NRP1: variants seen among roughly 807,000 people sequenced by gnomAD.
NRP1 encodes the protein neuropilin 1.
Under a neutral mutation model 106.7 loss-of-function variants are expected in NRP1, and 35 were observed. The ratio of observed to expected loss-of-function variants is 0.33; its 90% confidence interval spans 0.25 to 0.43. The LOEUF is 0.43. NRP1 is among the 20% of genes least tolerant of loss of function. The pLI, the probability that NRP1 is intolerant of heterozygous loss-of-function variation, is 1.00. For synonymous variants in NRP1, 437 were observed against 417.9 expected, an observed-to-expected ratio of 1.05 and a Z score of -0.56; for missense variants, 1,024 against 1,170.4, an observed-to-expected ratio of 0.87 and a Z score of 1.83.
chr10:33,318,812 T>C (rs758121946), intron 2 of NRP1, among the ~76,000 whole-genome samples: 39 of 146,014 alleles, frequency 2.7e-4, no homozygotes, highest in Non-Finnish European at 4.5e-4. Flanking sequence ...CTAATAGCAT[T>C]GAGGAAGGTG....
intron 14 of NRP1, 76 bp downstream of exon 14, chr10:33,186,141 A>T: frequency 6.7e-7 from 1 of 1,491,976 alleles, no homozygotes; most frequent in East Asian, 2.3e-5. Flanking sequence ...CCCATGTCTC[A>T]TTTGCACAGC....
chr10:33,199,389 A>ATTTTTTTTT (rs1160327036), intron 11 of NRP1, among the ~76,000 whole-genome samples: 2 of 36,850 alleles, frequency 5.4e-5, no homozygotes, highest in African/African-American at 1.1e-4. Context: ...ATATATATAT[A>ATTTTTTTTT]TTTTTTTTTT....
intron 13 of NRP1, among the ~76,000 whole-genome samples, chr10:33,189,455 C>T (rs565407151): frequency 6.6e-6 from 1 of 152,320 alleles, no homozygotes; most frequent in Admixed American, 6.5e-5. Flanking sequence ...ATTGGAAGCC[C>T]TCACTGAACT....
chr10:33,319,549 C>T (rs995684828), intron 2 of NRP1, among the ~76,000 whole-genome samples: 36 of 150,332 alleles, frequency 2.4e-4, no homozygotes, highest in African/African-American at 7.3e-4. Flanking sequence ...TCACTCTTTG[C>T]GGTGGTGCCA....
In NRP1 at chr10:33,178,503, C is replaced by T. The variant is rs1164032699; in HGVS notation, c.*1573G>A. On this transcript the variant is annotated 3_prime_UTR_variant, in exon 17 of 17. Coordinates refer to ENST00000374867, the MANE Select transcript of NRP1 (RefSeq NM_003873.7). ...CATTTGTTTGACTTTATGTGTTTTT[C>T]CCCCTCTTATCTTAAAATACTTGAC... The T allele has an allele frequency of 2.0e-5, 3 of 152,014 alleles. No homozygotes were observed. The highest frequency in any genetic ancestry group is 2.0e-4 in the Admixed American group (3 of 15,262). The allele number at this position is 152,014 out of a possible 1,614,324, so 9.4% of individuals were successfully genotyped here.
intron 2 of NRP1, 74 bp downstream of exon 2, chr10:33,330,634 C>T (rs1411924): frequency 0.89 from 1,185,143 of 1,326,792 alleles, 530,410 homozygotes; most frequent in East Asian, 1. Flanking sequence ...TTGTACACAC[C>T]GACTTCCCCC....
chr10:33,253,280 G>T (rs1263471193), intron 6 of NRP1, among the ~76,000 whole-genome samples: 1 of 152,286 alleles, frequency 6.6e-6, no homozygotes, highest in African/African-American at 2.4e-5. Flanking sequence ...TGCCGGCGAT[G>T]AGAGGGGGTA....
At position 33,313,437 on chromosome 10, in the gene NRP1, C is replaced by T. The variant is rs575543330; in HGVS notation, c.248+17271G>A. ...AGAAAAGACATCTCTGATTATTACA[C>T]ATTGTAGGCCTGTATCAAAATAGCT... On this transcript the variant is annotated intron_variant, in intron 2 of 16. Transcript: ENST00000374867. 3.3e-5 allele frequency among the ~76,000 whole-genome samples: 5 copies of T among 152,214 alleles called. No homozygotes were observed. In the South Asian group the frequency reaches 1.0e-3, roughly 32 times the overall value.
At chr10:33,266,586 C>A (rs1346027022) in intron 3 of NRP1, among the ~76,000 whole-genome samples, 5 of 152,158 alleles carry the variant, frequency 3.3e-5, no homozygotes, top group Non-Finnish European at 7.3e-5. Flanking sequence ...CACTTTCTCG[C>A]AAAAGGACAA....
At chr10:33,194,810 A>T (rs753717154) in intron 12 of NRP1, 1 of 507,278 alleles carries the variant, frequency 2.0e-6, no homozygotes, top group Non-Finnish European at 4.1e-6. Flanking sequence ...AACCACCCAT[A>T]AACATTTATA....
At chr10:33,230,367 T>C (rs1180638060) in intron 6 of NRP1, among the ~76,000 whole-genome samples, 1 of 152,196 alleles carries the variant, frequency 6.6e-6, no homozygotes, top group African/African-American at 2.4e-5. Flanking sequence ...GGCATGAAGA[T>C]TATTTCGAGT....
In NRP1 at chr10:33,290,153, C is replaced by T. The variant is rs577774423; in HGVS notation, c.249-19297G>A. ...TGCAACCTGAGGATGTATAGAATGCCTATATGTGATACGTCTATATGTGCA... is the reference window on the plus strand; with the variant it reads ...TGCAACCTGAGGATGTATAGAATGCTTATATGTGATACGTCTATATGTGCA... On this transcript the variant is annotated intron_variant, in intron 2 of 16. Transcript: ENST00000374867. Among the ~76,000 whole-genome samples the T allele has an allele frequency of 1.3e-3, 203 of 152,200 alleles. 1 individual carries two copies. Among genetic ancestry groups the T allele is most frequent in the African/African-American group, 4.8e-3 (198 of 41,490 alleles).
chr10:33,233,790 G>T (rs982125014), intron 6 of NRP1, among the ~76,000 whole-genome samples: 1 of 152,134 alleles, frequency 6.6e-6, no homozygotes, highest in African/African-American at 2.4e-5. Flanking sequence ...TTTCTTTGGG[G>T]CATCTCTGAT....
chr10:33,295,089 C>CT (rs1267639767), intron 2 of NRP1, among the ~76,000 whole-genome samples: 1 of 152,136 alleles, frequency 6.6e-6, no homozygotes, highest in Non-Finnish European at 1.5e-5. Flanking sequence ...TGTGGAGCAC[C>CT]TAGACAGGTA....
Position 33,263,765 on chromosome 10 carries a change from G to A in NRP1, c.539C>T (p.Pro180Leu), listed in dbSNP as rs201526603. The change falls in exon 4 of 17, where the codon CCA becomes CTA. Residue 180 changes from proline to leucine, a missense_variant. Physicochemically the swap from Pro to Leu is moderately conservative, Grantham distance 98. Coordinates refer to ENST00000374867, the MANE Select transcript of NRP1 (RefSeq NM_003873.7). ...SLECTYIVFV[P>L]KMSEIILEFE... is the part of the protein sequence containing the mutation. Reference sequence around the variant, plus strand: ...TTCCAGGATAATCTCTGACATCTTTGGCACAAAGACAATATAAGTGCATTC... The same window carrying A: ...TTCCAGGATAATCTCTGACATCTTTAGCACAAAGACAATATAAGTGCATTC... The A allele has an allele frequency of 1.7e-5, 27 of 1,613,680 alleles. No homozygotes were observed. Among genetic ancestry groups the A allele is most frequent in the Non-Finnish European group, 2.3e-5 (27 of 1,179,682 alleles).
chr10:33,256,208 C>G, intron 5 of NRP1, 108 bp downstream of exon 5: 2 of 1,061,198 alleles, frequency 1.9e-6, no homozygotes, highest in Non-Finnish European at 2.8e-6. Flanking sequence ...ACAGCTGGCA[C>G]CCCAGTTCAC....
intron 2 of NRP1, among the ~76,000 whole-genome samples, chr10:33,279,401 G>A (rs1843946341): frequency 6.6e-6 from 1 of 152,168 alleles, no homozygotes; most frequent in South Asian, 2.1e-4. Context: ...TGAAGCCTCT[G>A]CCCTCTTTCT....
At chr10:33,192,167 G>T in intron 13 of NRP1, 114 bp downstream of exon 13, 2 of 1,110,456 alleles carry the variant, frequency 1.8e-6, no homozygotes, top group South Asian at 1.6e-5. Flanking sequence ...GTGAACGCCT[G>T]TAGTAATTCC....
chr10:33,234,582 G>A (rs115773711), intron 6 of NRP1, among the ~76,000 whole-genome samples: 1 of 152,088 alleles, frequency 6.6e-6, no homozygotes, highest in Non-Finnish European at 1.5e-5. Context: ...TATTCATGCT[G>A]TCGAAAAACA....
Sources: allele counts gnomAD v4.1 joint callset (sites outside exome capture counted in the v4.1 genomes callset), GRCh38; gene constraint gnomAD v4.1.1; transcripts MANE v1.5; gene names NCBI Gene and HGNC (gene_info 2026-07-23, HGNC 2026-07-21).